Variants in ACCSL observed in about 807,000 individuals in gnomAD.
ACCSL encodes 1-aminocyclopropane-1-carboxylate synthase homolog (inactive) like, also known as probable inactive 1-aminocyclopropane-1-carboxylate synthase-like protein 2.
A neutral mutation model predicts 61.7 loss-of-function variants in ACCSL; 55 were observed. That is an observed-to-expected ratio of 0.89 (90% CI 0.72 to 1.12). The LOEUF is 1.12. Among genes scored for constraint, ACCSL ranks in the 50% most tolerant of loss-of-function variants. The pLI is 0.00. For missense variants in ACCSL, 632 were observed against 698.0 expected (o/e 0.91, Z 1.07); for synonymous variants, 258 against 264.3 (o/e 0.98, Z 0.23).
chr11:44,000,570 T>C, the ACCSL span, among the ~76,000 whole-genome samples: 5 of 38,574 alleles, frequency 1.3e-4, no homozygotes, highest in South Asian at 8.2e-4. Flanking sequence ...AACAAACAAA[T>C]AAATAAATAA....
At chr11:44,005,057 A>G in the ACCSL span, among the ~76,000 whole-genome samples, 1 of 10,750 alleles carries the variant, frequency 9.3e-5, no homozygotes, top group Admixed American at 8.8e-4. Flanking sequence ...CGGCCCACCC[A>G]CCCCTTCTCC....
At chr11:44,029,074 A>T in the ACCSL span, among the ~76,000 whole-genome samples, 11 of 152,202 alleles carry the variant, frequency 7.2e-5, no homozygotes, top group African/African-American at 2.7e-4. Flanking sequence ...ATGTCCTCCT[A>T]TCTGGCCCCG....
the ACCSL span, among the ~76,000 whole-genome samples, chr11:44,005,347 T>A: frequency 6.6e-6 from 1 of 151,966 alleles, no homozygotes; most frequent in Non-Finnish European, 1.5e-5. Flanking sequence ...TCTGTGAATA[T>A]GAGATTCTGT....
chr11:43,922,875 T>A, the ACCSL span, among the ~76,000 whole-genome samples: 85 of 152,256 alleles, frequency 5.6e-4, no homozygotes, highest in African/African-American at 1.9e-3. Context: ...ACTAAAAATG[T>A]CTTCTTTATA....
chr11:44,046,339 A>G (rs1346976762), upstream of ACCSL, among the ~76,000 whole-genome samples: 1 of 152,162 alleles, frequency 6.6e-6, no homozygotes, highest in Non-Finnish European at 1.5e-5. Context: ...TTCTCTGTCT[A>G]TTGCTCCATC....
chr11:44,014,811 C>T, the ACCSL span, among the ~76,000 whole-genome samples: 2 of 152,144 alleles, frequency 1.3e-5, no homozygotes, highest in South Asian at 2.1e-4. Flanking sequence ...GCAGAGGCAC[C>T]GTGGAGAGAC....
At chr11:43,951,099 T>C in the ACCSL span, among the ~76,000 whole-genome samples, 2 of 152,204 alleles carry the variant, frequency 1.3e-5, no homozygotes, top group Admixed American at 6.5e-5. Flanking sequence ...ACCAAGCCCA[T>C]AGCACTAAGA....
the ACCSL span, among the ~76,000 whole-genome samples, chr11:43,945,900 C>T: frequency 6.6e-6 from 1 of 152,066 alleles, no homozygotes; most frequent in East Asian, 1.9e-4. Flanking sequence ...GCCTTCAGCC[C>T]CTACCTGAAG....
the ACCSL span, among the ~76,000 whole-genome samples, chr11:44,037,300 A>G: frequency 2.6e-5 from 4 of 152,138 alleles, no homozygotes; most frequent in Non-Finnish European, 5.9e-5. Context: ...AAGGTACCCA[A>G]CCTCTCTGAG....
the ACCSL span, among the ~76,000 whole-genome samples, chr11:43,979,199 G>T: frequency 4.6e-5 from 7 of 152,084 alleles, no homozygotes; most frequent in Admixed American, 1.3e-4. Context: ...AGTGGTGGTG[G>T]CACATGCCTG....
chr11:43,932,931 A>G, the ACCSL span, among the ~76,000 whole-genome samples: 2 of 152,374 alleles, frequency 1.3e-5, no homozygotes, highest in South Asian at 4.1e-4. Flanking sequence ...TCTGAGAGCC[A>G]AAGTGACTTG....
chr11:43,949,918 A>C, the ACCSL span, among the ~76,000 whole-genome samples: 1 of 152,196 alleles, frequency 6.6e-6, no homozygotes, highest in African/African-American at 2.4e-5. Flanking sequence ...TTTACCCTAA[A>C]ACAATTCTGT....
chr11:43,943,706 T>A, the ACCSL span: 1 of 1,304,368 alleles, frequency 7.7e-7, no homozygotes, highest in Non-Finnish European at 1.0e-6. The surrounding 1 kb of genome is among the most constrained non-coding windows in gnomAD (Gnocchi z 4.8). Flanking sequence ...ACTTTTATAA[T>A]TGTTAGGCGT....
At chr11:43,968,745 A>G in the ACCSL span, among the ~76,000 whole-genome samples, 52 of 152,226 alleles carry the variant, frequency 3.4e-4, no homozygotes, top group African/African-American at 1.2e-3. Context: ...TTTTGTGGGG[A>G]TGGCGAGTGG....
chr11:44,052,530 A>G, intron 5 of ACCSL, 132 bp from the exon 6 acceptor site: 1 of 744,468 alleles, frequency 1.3e-6, no homozygotes, highest in Non-Finnish European at 2.3e-6. Context: ...ACCTAAGAAC[A>G]TTAATCCCCA....
the ACCSL span, among the ~76,000 whole-genome samples, chr11:44,005,514 G>A: frequency 7.9e-4 from 121 of 152,262 alleles, no homozygotes; most frequent in African/African-American, 2.6e-3. Context: ...CAGTGAGGCA[G>A]CGCTGAGGGA....
the ACCSL span, among the ~76,000 whole-genome samples, chr11:44,019,061 T>G: frequency 2.0e-5 from 3 of 152,174 alleles, no homozygotes; most frequent in Non-Finnish European, 4.4e-5. Context: ...CAATGTGTGG[T>G]CTTTTGTGGC....
At chr11:43,993,686 G>C in the ACCSL span, among the ~76,000 whole-genome samples, 1 of 152,108 alleles carries the variant, frequency 6.6e-6, no homozygotes, top group Admixed American at 6.5e-5. Flanking sequence ...ATCCTGGATG[G>C]CTCCTCAGCT....
At chr11:43,950,097 G>A in the ACCSL span, among the ~76,000 whole-genome samples, 93 of 152,310 alleles carry the variant, frequency 6.1e-4, no homozygotes, top group African/African-American at 2.1e-3. Flanking sequence ...TCAGTGAAAG[G>A]CTGATCAAGG....
Sources: allele counts gnomAD v4.1 joint callset (sites outside exome capture counted in the v4.1 genomes callset), GRCh38; gene constraint gnomAD v4.1.1; non-coding constraint Gnocchi (gnomAD v3.1); transcripts MANE v1.5; gene names NCBI Gene and HGNC (gene_info 2026-07-23, HGNC 2026-07-21).